RTCA: variants seen among roughly 807,000 people sequenced by gnomAD.
The protein encoded by RTCA is RNA terminal phosphate cyclase domain 1.
In RTCA, 37 loss-of-function variants were observed where a neutral mutation model predicts 46.1. The observed-to-expected ratio is 0.80, with a 90% confidence interval of 0.62 to 1.06. The LOEUF is 1.06. Among genes scored for constraint, RTCA ranks in the 50% least tolerant of loss-of-function variants. RTCA has a pLI of 0.00. For missense variants in RTCA, 435 were observed against 455.5 expected (o/e 0.95, Z 0.41); for synonymous variants, 164 against 158.3 (o/e 1.04, Z -0.27).
chr1:100,285,389 C>G, intron 9 of RTCA, 67 bp downstream of exon 9: 2 of 1,049,134 alleles, frequency 1.9e-6, no homozygotes, highest in Non-Finnish European at 2.9e-6. Flanking sequence ...GATTGAATAT[C>G]AATTTAAATA....
At chr1:100,271,382 G>T (rs1666083024) in intron 4 of RTCA, among the ~76,000 whole-genome samples, 1 of 152,128 alleles carries the variant, frequency 6.6e-6, no homozygotes, top group Non-Finnish European at 1.5e-5. Flanking sequence ...GCTGAGGTGG[G>T]AGGATCACTT....
chr1:100,273,893 A>G lies in RTCA; in HGVS notation c.473+441A>G, dbSNP rs534257480. On this transcript the variant is annotated intron_variant, in intron 5 of 10. Transcript: ENST00000370128. ...CCTTCTGCCACACAATCACTAGGCC[A>G]TATTTCTTGGTGTGGCATTTAAGTG... 6.6e-5 allele frequency among the ~76,000 whole-genome samples: 10 copies of G among 152,298 alleles called. No homozygotes were observed. The Middle Eastern group carries it at 0.01, about 155-fold the overall frequency.
intron 5 of RTCA, among the ~76,000 whole-genome samples, chr1:100,274,463 C>T (rs1666262100): frequency 6.6e-6 from 1 of 152,140 alleles, no homozygotes; most frequent in African/African-American, 2.4e-5. Context: ...CTACAATAGC[C>T]CTGTCAAATA....
At position 100,275,639 on chromosome 1, in the gene RTCA, G is replaced by T. The variant is rs750088084; in HGVS notation, c.656G>T (p.Arg219Ile). 5.6e-6 allele frequency: 9 copies of T among 1,612,246 alleles called. No homozygotes were observed. Among genetic ancestry groups the T allele is most frequent in the African/African-American group, 1.3e-5 (1 of 74,872 alleles). ...GCAGCGGCAGCAGTTAGATGCATCA[G>T]AAAGGAGATCCGGGATTTGTATGTT... is the stretch of plus-strand genomic sequence containing the variant. Reference protein sequence around the residue: ...DMAAAAVRCIRKEIRDLYVNI... With the variant: ...DMAAAAVRCIIKEIRDLYVNI... The change falls in exon 7 of 11, where the codon AGA becomes ATA. Residue 219 changes from arginine (R) to isoleucine (I), a missense_variant. Transcript: ENST00000370128.
At chr1:100,285,405 C>T in intron 9 of RTCA, 83 bp downstream of exon 9, 1 of 892,928 alleles carries the variant, frequency 1.1e-6, no homozygotes, top group Non-Finnish European at 1.8e-6. Context: ...AAATAATTGA[C>T]TTTCAGACAC....
At chr1:100,266,876 A>G (rs1665811080) in intron 2 of RTCA, 1 of 515,154 alleles carries the variant, frequency 1.9e-6, no homozygotes, top group South Asian at 3.0e-5. Flanking sequence ...CTGAAGAGCT[A>G]GCTTTTAAAA....
intron 7 of RTCA, among the ~76,000 whole-genome samples, chr1:100,276,596 G>T (rs1666397315): frequency 6.6e-6 from 1 of 152,140 alleles, no homozygotes; most frequent in Non-Finnish European, 1.5e-5. Context: ...AGAATCACTT[G>T]AACCTGGGAG....
chr1:100,281,905 G>A (rs546368424), intron 8 of RTCA, among the ~76,000 whole-genome samples: 5 of 151,932 alleles, frequency 3.3e-5, no homozygotes, highest in South Asian at 2.1e-4. Flanking sequence ...TGGTAGAGAC[G>A]GGGTTTCACA....
chr1:100,271,139 TA>T (rs879708604), intron 4 of RTCA, among the ~76,000 whole-genome samples: 18 of 144,830 alleles, frequency 1.2e-4, no homozygotes, highest in South Asian at 4.4e-4. Flanking sequence ...TATAGTGAAT[TA>T]AAAAAAAAAA....
intron 8 of RTCA, among the ~76,000 whole-genome samples, chr1:100,282,329 T>C (rs1666753067): frequency 6.6e-6 from 1 of 152,224 alleles, no homozygotes. Flanking sequence ...ACCTGCTGTT[T>C]TCTAGTACTA....
intron 5 of RTCA, among the ~76,000 whole-genome samples, chr1:100,274,151 G>A (rs1362717924): frequency 6.6e-6 from 1 of 152,026 alleles, no homozygotes; most frequent in Non-Finnish European, 1.5e-5. Flanking sequence ...GCCTCAATCA[G>A]AATTCATATT....
At chr1:100,284,733 G>GT (rs1174233970) in intron 8 of RTCA, among the ~76,000 whole-genome samples, 12 of 152,174 alleles carry the variant, frequency 7.9e-5, no homozygotes, top group African/African-American at 2.7e-4. Flanking sequence ...CAGACTAATT[G>GT]TAACACGCAT....
At chr1:100,281,708 C>CTGTTTT (rs769813964) in intron 8 of RTCA, among the ~76,000 whole-genome samples, 2 of 151,560 alleles carry the variant, frequency 1.3e-5, no homozygotes, top group African/African-American at 4.8e-5. Context: ...GGGCATCTCT[C>CTGTTTT]TGTTTTTGTT....
At chr1:100,275,050 G>C (rs1349720804) in intron 6 of RTCA, 85 bp downstream of exon 6, 6 of 1,325,094 alleles carry the variant, frequency 4.5e-6, no homozygotes, top group Admixed American at 4.5e-5. Flanking sequence ...ATTATTGAGA[G>C]AACTTAACAT....
chr1:100,283,450 C>G (rs1666831746), intron 8 of RTCA, among the ~76,000 whole-genome samples: 1 of 152,100 alleles, frequency 6.6e-6, no homozygotes, highest in South Asian at 2.1e-4. Flanking sequence ...GCATGAGCCA[C>G]CATGCCTGGC....
chr1:100,285,177 A>T (rs774862991), intron 8 of RTCA, 51 bp from the exon 9 acceptor site: 4 of 1,280,274 alleles, frequency 3.1e-6, no homozygotes, highest in African/African-American at 2.9e-5. Context: ...CTTAGTAATT[A>T]GTTTTGTTTT....
chr1:100,277,872 A>G (rs368601591), intron 8 of RTCA, among the ~76,000 whole-genome samples: 130 of 151,560 alleles, frequency 8.6e-4, no homozygotes, highest in African/African-American at 2.5e-3. Context: ...TCCTCCCATT[A>G]CCTTTTTTGT....
chr1:100,270,798 C>A, intron 4 of RTCA, 118 bp downstream of exon 4: 3 of 1,203,940 alleles, frequency 2.5e-6, no homozygotes, highest in South Asian at 1.5e-5. Context: ...TTCATGGTGT[C>A]TTTTCTTTCT....
At position 100,270,538 on chromosome 1, in the gene RTCA, C is replaced by T. The variant is rs777004867; in HGVS notation, c.291-19C>T. ...GCAGAAAAGAAAATGAAAATAAGCC[C>T]CTTCTGCCTTCTCCTTAGGAGTGTG... On this transcript the variant is annotated intron_variant, in intron 3 of 10. Coordinates refer to ENST00000370128, the MANE Select transcript of RTCA (RefSeq NM_003729.4). The T allele has an allele frequency of 1.9e-6, 3 of 1,604,626 alleles. No individual in the cohort carries two copies. Among genetic ancestry groups the T allele is most frequent in the Non-Finnish European group, 1.7e-6 (2 of 1,177,172 alleles).
Sources: allele counts gnomAD v4.1 joint callset (sites outside exome capture counted in the v4.1 genomes callset), GRCh38; gene constraint gnomAD v4.1.1; transcripts MANE v1.5; gene names NCBI Gene and HGNC (gene_info 2026-07-23, HGNC 2026-07-21).